Variants in GAS7 observed in about 807,000 individuals in gnomAD.
The protein encoded by GAS7 is growth arrest specific 7.
In GAS7, 28 loss-of-function variants were observed where a neutral mutation model predicts 71.1. The observed-to-expected ratio is 0.39, with a 90% CI of 0.29 to 0.54. GAS7 has a LOEUF of 0.54. Ranked by LOEUF, GAS7 falls within the 20% of genes least tolerant of loss-of-function variation. The pLI, the probability that GAS7 is intolerant of heterozygous loss-of-function variation, is 0.62. For missense variants in GAS7, 436 were observed against 627.8 expected, an observed-to-expected ratio of 0.69 and a Z score of 3.27; for synonymous variants, 258 against 245.8, an observed-to-expected ratio of 1.05 and a Z score of -0.46.
intron 1 of GAS7, among the ~76,000 whole-genome samples, chr17:10,118,903 T>A (rs1274283441): frequency 6.6e-6 from 1 of 152,010 alleles, no homozygotes; most frequent in Non-Finnish European, 1.5e-5. Context: ...ACATGCCACA[T>A]GGTGACATGC....
chr17:10,020,805 C>T (rs531134119), intron 1 of GAS7, among the ~76,000 whole-genome samples: 3 of 152,130 alleles, frequency 2.0e-5, no homozygotes, highest in South Asian at 2.1e-4. Flanking sequence ...CCTAGCTACT[C>T]GGGAGGCTGA....
chr17:9,965,374 G>GT (rs1322240734), intron 4 of GAS7, among the ~76,000 whole-genome samples: 28 of 152,190 alleles, frequency 1.8e-4, no homozygotes, highest in African/African-American at 6.8e-4. Context: ...TAGGGACATG[G>GT]ATGAAGCTGG....
intron 3 of GAS7, among the ~76,000 whole-genome samples, chr17:9,977,887 ACTCT>A (rs2070267941): frequency 1.3e-5 from 2 of 152,072 alleles, no homozygotes; most frequent in Admixed American, 1.3e-4. Flanking sequence ...GGCCCTTCAA[ACTCT>A]CTCTAGAAGT....
chr17:10,128,031 G>A (rs972574220), intron 1 of GAS7, among the ~76,000 whole-genome samples: 4 of 152,190 alleles, frequency 2.6e-5, no homozygotes, highest in African/African-American at 9.7e-5. Flanking sequence ...GCACCGGCGA[G>A]GGATTCAGTC....
At chr17:9,940,802 G>T (rs565985814) in intron 7 of GAS7, among the ~76,000 whole-genome samples, 1 of 152,212 alleles carries the variant, frequency 6.6e-6, no homozygotes, top group Non-Finnish European at 1.5e-5. Flanking sequence ...CTTCCGGCAG[G>T]CAGGCCTTTG....
chr17:10,176,343 G>A (rs2074374155), intron 1 of GAS7, among the ~76,000 whole-genome samples: 1 of 152,166 alleles, frequency 6.6e-6, no homozygotes, highest in Non-Finnish European at 1.5e-5. Context: ...ACAGCTGGGT[G>A]CAAGAGCTGG....
chr17:10,144,341 C>T (rs2074105974), intron 1 of GAS7, among the ~76,000 whole-genome samples: 1 of 152,142 alleles, frequency 6.6e-6, no homozygotes, highest in Non-Finnish European at 1.5e-5. Flanking sequence ...CAGTGTCGGG[C>T]CCGTGATATT....
intron 1 of GAS7, among the ~76,000 whole-genome samples, chr17:10,136,666 A>C (rs1199898728): frequency 6.6e-6 from 1 of 152,022 alleles, no homozygotes; most frequent in Non-Finnish European, 1.5e-5. Context: ...ACCAGCTTCA[A>C]CCTATTCTGC....
At chr17:9,987,976 G>T (rs1228149789) in intron 2 of GAS7, among the ~76,000 whole-genome samples, 1 of 152,216 alleles carries the variant, frequency 6.6e-6, no homozygotes, top group Non-Finnish European at 1.5e-5. Context: ...ACTTTTCTTG[G>T]CTTGTGCCGG....
At chr17:9,960,557 G>A (rs1438415362) in intron 4 of GAS7, among the ~76,000 whole-genome samples, 1 of 152,216 alleles carries the variant, frequency 6.6e-6, no homozygotes, top group Non-Finnish European at 1.5e-5. Flanking sequence ...GCCAGAAAAA[G>A]GATGGAGGGG....
At position 9,917,239 on chromosome 17, in the gene GAS7, T is replaced by G; in HGVS notation, c.1420A>C (p.Met474Leu). 6.4e-7 allele frequency: 1 copy of G among 1,561,968 alleles called. No homozygotes were observed. The highest frequency in any genetic ancestry group is 8.8e-7 in the Non-Finnish European group (1 of 1,132,262). Residue 474 changes from methionine to leucine, a missense_variant, in exon 14 of 14, where the codon ATG becomes CTG. Coordinates refer to ENST00000432992, the MANE Select transcript of GAS7 (RefSeq NM_201433.2). ...HKTGNIRPVD[M>L]EI ...CTGCACAGGCCCATCTAGATCTCCA[T>G]GTCCACAGGGCGGATGTTGCCCGTC... is the stretch of plus-strand genomic sequence containing the variant.
chr17:10,126,387 C>T lies in GAS7; in HGVS notation c.183+71821G>A, dbSNP rs534581753. Among the ~76,000 whole-genome samples the T allele has an allele frequency of 6.6e-5, 10 of 151,072 alleles. No homozygotes were observed. The East Asian group carries it at 7.8e-4, about 12-fold the overall frequency. On this transcript the variant is annotated intron_variant, in intron 1 of 13. Transcript: ENST00000432992. ...TCTTGCACACACACCCACACACTCA[C>T]GCACATGCACACACAAACGTGCAAA...
rs34286699 is a variant in GAS7 at position 9,932,194 on chromosome 17, C to CTT, written c.885+1970_885+1971dup. 4.0e-3 allele frequency among the ~76,000 whole-genome samples: 466 copies of CTT among 116,118 alleles called. 14 individuals carry two copies. Among genetic ancestry groups the CTT allele is most frequent in the Non-Finnish European group, 5.0e-3 (288 of 57,808 alleles). The allele number at this position is 116,118 out of a possible 152,430, so 76.2% of individuals were successfully genotyped here. A position where few individuals can be genotyped will look rare whatever the true frequency, so the allele number is the denominator to read the frequency against. On this transcript the variant is annotated intron_variant, in intron 9 of 13. Coordinates refer to ENST00000432992, the MANE Select transcript of GAS7 (RefSeq NM_201433.2). Reference sequence around the variant, plus strand: ...GGTGCACTCTGAAAGGTCCCCCCCGCTTTTTTTTTTTTTTTTTTTGAGACA... The same window carrying CTT: ...GGTGCACTCTGAAAGGTCCCCCCCGCTTTTTTTTTTTTTTTTTTTTTGAGACA...
At chr17:10,029,382 T>C (rs2072554102) in intron 1 of GAS7, among the ~76,000 whole-genome samples, 2 of 152,022 alleles carry the variant, frequency 1.3e-5, no homozygotes, top group African/African-American at 4.8e-5. Flanking sequence ...GCAAGACAAA[T>C]AAAGGTGAAG....
At chr17:9,962,239 T>TAAAC (rs1555605518) in intron 4 of GAS7, among the ~76,000 whole-genome samples, 1 of 148,614 alleles carries the variant, frequency 6.7e-6, no homozygotes, top group Non-Finnish European at 1.5e-5. Context: ...GTGCATTTTA[T>TAAAC]ACACACACAC....
intron 5 of GAS7, among the ~76,000 whole-genome samples, chr17:9,951,587 T>A (rs1473180739): frequency 1.3e-5 from 2 of 151,880 alleles, no homozygotes; most frequent in African/African-American, 4.8e-5. Flanking sequence ...AGAAACCCCA[T>A]CTCTACTAAA....
At chr17:10,078,053 T>TGTGTG (rs2073414387) in intron 1 of GAS7, among the ~76,000 whole-genome samples, 1 of 146,318 alleles carries the variant, frequency 6.8e-6, no homozygotes, top group Admixed American at 6.9e-5. Flanking sequence ...GTTTTTTCTG[T>TGTGTG]TGTGTGTGTG....
chr17:9,964,119 GA>G (rs1424350927), intron 4 of GAS7, among the ~76,000 whole-genome samples: 1 of 152,040 alleles, frequency 6.6e-6, no homozygotes, highest in African/African-American at 2.4e-5. Flanking sequence ...TGTGATTCCA[GA>G]GAACTCTTCC....
rs573489901 is a variant in GAS7, at chr17:10,185,214, C to T, written c.183+12994G>A. 7.9e-5 allele frequency among the ~76,000 whole-genome samples: 12 copies of T among 152,258 alleles called. No homozygotes were observed. The East Asian group carries it at 2.3e-3, about 29-fold the overall frequency. On this transcript the variant is annotated intron_variant, in intron 1 of 13. Coordinates refer to ENST00000432992, the MANE Select transcript of GAS7 (RefSeq NM_201433.2). ...TGCTGAGATTACAGGCATGAGCCACCCTGCCCAGCCTATAAAAACTCTTGA... is the reference window on the plus strand; with the variant it reads ...TGCTGAGATTACAGGCATGAGCCACTCTGCCCAGCCTATAAAAACTCTTGA...
Sources: gnomAD v4.1 joint callset for allele counts (sites outside exome capture counted in the v4.1 genomes callset) on GRCh38, gnomAD v4.1.1 for gene constraint, MANE v1.5 for transcripts, NCBI Gene and HGNC (gene_info 2026-07-23, HGNC 2026-07-21) for gene names.